Variants in CNOT4 observed in about 807,000 individuals in gnomAD.
CNOT4 encodes CCR4-associated factor 4.
Under a neutral mutation model 73.8 loss-of-function variants are expected in CNOT4, and 8 were observed. The observed-to-expected ratio is 0.11, with a 90% CI of 0.06 to 0.20. The LOEUF (loss-of-function observed/expected upper bound fraction) is 0.20, where lower values mean the gene tolerates loss of function less well. CNOT4 is among the 10% of genes least tolerant of loss of function. The probability of loss-of-function intolerance (pLI) is 1.00; values close to 1 mark genes in which losing one functional copy is unlikely to be tolerated. For missense variants in CNOT4, 564 were observed against 883.4 expected (o/e 0.64, Z 4.58); for synonymous variants, 293 against 321.1 (o/e 0.91, Z 0.94).
intron 6 of CNOT4, among the ~76,000 whole-genome samples, chr7:135,412,866 T>C (rs983789821): frequency 1.3e-5 from 2 of 151,972 alleles, no homozygotes; most frequent in Admixed American, 1.3e-4. Context: ...ACATTTTTAC[T>C]TGTTAAGGCA....
chr7:135,452,824 T>C (rs1800259292), intron 1 of CNOT4, among the ~76,000 whole-genome samples: 1 of 152,134 alleles, frequency 6.6e-6, no homozygotes. Context: ...AATTTAATGC[T>C]CAGGAGGAGG....
intron 10 of CNOT4, among the ~76,000 whole-genome samples, chr7:135,377,518 T>C (rs1795588310): frequency 6.6e-6 from 1 of 152,240 alleles, no homozygotes. Context: ...TTTTTATTCC[T>C]CCTTACAGTA....
chr7:135,385,744 A>AGGG (rs1424435402), intron 10 of CNOT4, among the ~76,000 whole-genome samples: 11 of 152,362 alleles, frequency 7.2e-5, no homozygotes, highest in Admixed American at 5.9e-4. Flanking sequence ...GATAAATAAT[A>AGGG]AAATGAGTCT....
At chr7:135,473,600 A>G (rs1294523597) in intron 1 of CNOT4, among the ~76,000 whole-genome samples, 1 of 152,136 alleles carries the variant, frequency 6.6e-6, no homozygotes, top group Non-Finnish European at 1.5e-5. Flanking sequence ...TATAAAAATC[A>G]GCCAGGCATG....
chr7:135,476,792 C>T (rs760529632), intron 1 of CNOT4, among the ~76,000 whole-genome samples: 26 of 152,018 alleles, frequency 1.7e-4, no homozygotes, highest in Non-Finnish European at 8.8e-5. Flanking sequence ...GGCAATACAG[C>T]GAAATCCCAT....
intron 7 of CNOT4, among the ~76,000 whole-genome samples, chr7:135,401,171 C>G (rs1029757159): frequency 3.3e-5 from 5 of 152,170 alleles, no homozygotes; most frequent in African/African-American, 1.2e-4. Flanking sequence ...CCTCACAACT[C>G]CACTGGCATC....
chr7:135,422,430 G>T, intron 2 of CNOT4, 77 bp from the exon 3 acceptor site: 6 of 736,706 alleles, frequency 8.1e-6, no homozygotes, highest in Non-Finnish European at 1.4e-5. Context: ...CTGATTCTTG[G>T]TGGTGGGTAT....
intron 1 of CNOT4, among the ~76,000 whole-genome samples, chr7:135,474,569 G>T (rs1021641368): frequency 6.6e-6 from 1 of 152,124 alleles, no homozygotes; most frequent in Non-Finnish European, 1.5e-5. Context: ...GAGCCACGGC[G>T]CCTGGACTAA....
chr7:135,395,809 G>A lies in CNOT4; in HGVS notation c.954C>T (p.Ser318=). 2 of 1,613,210 alleles carry A rather than the reference G, an allele frequency of 1.2e-6. No individual in the cohort carries two copies. Among genetic ancestry groups the A allele is most frequent in the Non-Finnish European group, 1.7e-6 (2 of 1,179,150 alleles). Residue 318 remains serine, a synonymous_variant, in exon 9 of 12, where the codon TCC becomes TCT. Coordinates refer to ENST00000541284, the MANE Select transcript of CNOT4 (RefSeq NM_001190850.2). The stretch of plus-strand genomic sequence containing the variant: ...CAAAAGGGGACCGTGCACTGTGATT[G>A]GATGAACTGATGGGGATGACTGGAT... ...KSNPVIPISS[S]NHSARSPFEG... is the part of the protein sequence containing the mutation.
intron 10 of CNOT4, among the ~76,000 whole-genome samples, chr7:135,374,472 G>A (rs1036281522): frequency 2.0e-5 from 3 of 152,162 alleles, no homozygotes; most frequent in Non-Finnish European, 1.5e-5. Flanking sequence ...CACAGAACTT[G>A]AGATACTGAG....
intron 10 of CNOT4, among the ~76,000 whole-genome samples, chr7:135,381,797 AAAAG>A (rs1795860753): frequency 1.3e-5 from 2 of 152,228 alleles, no homozygotes; most frequent in Admixed American, 1.3e-4. Context: ...CCCGCTATAA[AAAAG>A]AAAGAAAGGT....
At chr7:135,440,949 T>A (rs1188323858) in intron 1 of CNOT4, among the ~76,000 whole-genome samples, 1 of 151,694 alleles carries the variant, frequency 6.6e-6, no homozygotes, top group Non-Finnish European at 1.5e-5. Context: ...GCAAACAGTA[T>A]ACTGTCCATC....
intron 10 of CNOT4, among the ~76,000 whole-genome samples, chr7:135,382,109 G>A (rs79579866): frequency 3.3e-5 from 5 of 152,048 alleles, no homozygotes; most frequent in African/African-American, 1.2e-4. Context: ...GGAACATCTG[G>A]GTACTTCAGT....
chr7:135,477,931 T>C (rs961044433), intron 1 of CNOT4, among the ~76,000 whole-genome samples: 5 of 151,884 alleles, frequency 3.3e-5, no homozygotes, highest in Non-Finnish European at 5.9e-5. Flanking sequence ...ATACACTATA[T>C]GTACTTCTGT....
rs147419346 is a variant in CNOT4, at chr7:135,442,456, G to A, written c.-92-4033C>T. Among the ~76,000 whole-genome samples the A allele has an allele frequency of 1.5e-3, 233 of 152,100 alleles. 2 individuals are homozygous for A. The highest frequency in any genetic ancestry group is 5.1e-3 in the African/African-American group (211 of 41,502). Reference sequence around the variant, plus strand: ...TACTAAAAATACAAAAAAATTAGCCGAGCGTGTTGGTGCATGCCTGTAATC... The same window carrying A: ...TACTAAAAATACAAAAAAATTAGCCAAGCGTGTTGGTGCATGCCTGTAATC... On this transcript the variant is annotated intron_variant, in intron 1 of 11. Transcript: ENST00000541284.
chr7:135,390,088 C>G (rs955004948), intron 10 of CNOT4, among the ~76,000 whole-genome samples: 6 of 151,980 alleles, frequency 3.9e-5, no homozygotes, highest in African/African-American at 1.5e-4. Context: ...GGCCATATAC[C>G]CCTGAGCTGG....
intron 2 of CNOT4, among the ~76,000 whole-genome samples, chr7:135,423,337 GAAC>G (rs1798295699): frequency 6.8e-6 from 1 of 146,130 alleles, no homozygotes; most frequent in African/African-American, 2.5e-5. Flanking sequence ...CAAGAGTGGG[GAAC>G]AACAGAAATA....
chr7:135,477,882 T>C (rs1456677074), intron 1 of CNOT4, among the ~76,000 whole-genome samples: 1 of 152,174 alleles, frequency 6.6e-6, no homozygotes, highest in African/African-American at 2.4e-5. Flanking sequence ...ACATAATCCT[T>C]ATATTTTATG....
chr7:135,413,072 A>G (rs1267481077), intron 6 of CNOT4, among the ~76,000 whole-genome samples: 1 of 152,022 alleles, frequency 6.6e-6, no homozygotes, highest in East Asian at 1.9e-4. Flanking sequence ...CTCTGTAAAG[A>G]GTATAGATTG....
Sources: gnomAD v4.1 joint callset for allele counts (sites outside exome capture counted in the v4.1 genomes callset) on GRCh38, gnomAD v4.1.1 for gene constraint, MANE v1.5 for transcripts, NCBI Gene and HGNC (gene_info 2026-07-23, HGNC 2026-07-21) for gene names.